Variants in PIP5K1B observed in about 807,000 individuals in gnomAD.
PIP5K1B encodes phosphatidylinositol 4-phosphate 5-kinase type-1 beta.
In PIP5K1B, 42 loss-of-function variants were observed where a neutral mutation model predicts 67.0. The ratio of observed to expected loss-of-function variants is 0.63; its 90% CI spans 0.49 to 0.81. PIP5K1B has a LOEUF of 0.81. Ranked by LOEUF, PIP5K1B falls within the 30% of genes least tolerant of loss-of-function variation. The pLI, the probability that PIP5K1B is intolerant of heterozygous loss-of-function variation, is 0.00. For missense variants in PIP5K1B, 459 were observed against 646.3 expected (o/e 0.71, Z 3.14); for synonymous variants, 214 against 231.4 (o/e 0.92, Z 0.68).
At chr9:68,822,716 AC>A in intron 4 of PIP5K1B, 33 bp downstream of exon 4, 1 of 1,469,028 alleles carries the variant, frequency 6.8e-7, no homozygotes, top group Middle Eastern at 1.7e-4. Context: ...AAAGAGGAAC[AC>A]CGTTTTGCTG....
At chr9:68,706,670 T>A (rs1477968489) in intron 1 of PIP5K1B, among the ~76,000 whole-genome samples, 1 of 152,144 alleles carries the variant, frequency 6.6e-6, no homozygotes, top group East Asian at 1.9e-4. Context: ...TCACTACCTC[T>A]CTGTGACATT....
intron 5 of PIP5K1B, among the ~76,000 whole-genome samples, chr9:68,865,949 A>G (rs1395591165): frequency 2.6e-5 from 4 of 152,220 alleles, no homozygotes; most frequent in African/African-American, 4.8e-5. Flanking sequence ...CGACTCTTAC[A>G]ACTAATAAAA....
At chr9:68,887,914 C>G (rs1824561029) in intron 6 of PIP5K1B, among the ~76,000 whole-genome samples, 1 of 151,286 alleles carries the variant, frequency 6.6e-6, no homozygotes, top group South Asian at 2.1e-4. Context: ...TGCAGTTGTG[C>G]AGGCTGTGCA....
intron 14 of PIP5K1B, among the ~76,000 whole-genome samples, chr9:68,955,431 C>G (rs1828334849): frequency 6.6e-6 from 1 of 152,242 alleles, no homozygotes; most frequent in Admixed American, 6.5e-5. Flanking sequence ...CCCCAGTTTG[C>G]TCTTGTCATT....
intron 1 of PIP5K1B, among the ~76,000 whole-genome samples, chr9:68,730,533 G>A (rs538043915): frequency 9.2e-5 from 14 of 152,250 alleles, no homozygotes; most frequent in Non-Finnish European, 1.6e-4. Context: ...ATCTGTTATC[G>A]CGGCCCATAT....
chr9:68,958,430 C>A (rs1828514297), intron 14 of PIP5K1B, among the ~76,000 whole-genome samples: 1 of 152,142 alleles, frequency 6.6e-6, no homozygotes, highest in Non-Finnish European at 1.5e-5. Context: ...ATACCACCCA[C>A]CAGATCATTT....
intron 14 of PIP5K1B, among the ~76,000 whole-genome samples, chr9:68,966,072 A>T (rs774896744): frequency 3.9e-5 from 6 of 152,140 alleles, no homozygotes; most frequent in Non-Finnish European, 8.8e-5. Context: ...TCAATAGCTA[A>T]AATTGGAACA....
At chr9:68,810,642 G>C (rs966200075) in intron 2 of PIP5K1B, among the ~76,000 whole-genome samples, 2 of 152,068 alleles carry the variant, frequency 1.3e-5, no homozygotes, top group African/African-American at 4.8e-5. Context: ...GAGTTTTATG[G>C]CCCTAGTTGG....
chr9:69,003,935 G>A (rs2133039550), intron 15 of PIP5K1B, among the ~76,000 whole-genome samples: 1 of 152,236 alleles, frequency 6.6e-6, no homozygotes, highest in Middle Eastern at 3.4e-3. Context: ...GATTGCTTTT[G>A]ATTTGCTGTT....
At chr9:69,007,232 G>A (rs1224876469) in intron 15 of PIP5K1B, among the ~76,000 whole-genome samples, 3 of 152,148 alleles carry the variant, frequency 2.0e-5, no homozygotes, top group Non-Finnish European at 4.4e-5. Context: ...TATGTGACAT[G>A]TTCTCTTTCC....
intron 15 of PIP5K1B, among the ~76,000 whole-genome samples, chr9:68,995,595 C>T (rs977379065): frequency 6.6e-6 from 1 of 152,034 alleles, no homozygotes; most frequent in Non-Finnish European, 1.5e-5. Flanking sequence ...CACCTGAGGT[C>T]GGGAATTCGA....
rs141998654 is a variant in PIP5K1B at position 68,998,784 on chromosome 9, G to T, written c.1620+7527G>T. Among the ~76,000 whole-genome samples, 103 of 152,280 alleles carry T rather than the reference G, an allele frequency of 6.8e-4. No individual in the cohort carries two copies. In the East Asian group the frequency reaches 0.018, roughly 27 times the overall value. On this transcript the variant is annotated intron_variant, in intron 15 of 15. Transcript: ENST00000265382. Reference sequence around the variant, plus strand: ...TCATTCGTGCCATTTCCCCTTCTGGGCTCTGAGGGGGAATGGGAAAATGCT... The same window carrying T: ...TCATTCGTGCCATTTCCCCTTCTGGTCTCTGAGGGGGAATGGGAAAATGCT...
At position 69,005,186 on chromosome 9, in the gene PIP5K1B, C is replaced by A. The variant is rs573274152; in HGVS notation, c.1621-3261C>A. On this transcript the variant is annotated intron_variant, in intron 15 of 15. Transcript: ENST00000265382. ...ACATTTTATGACCAAAGCTGGAAAT[C>A]ATTCTTTATTTTTAATACTGAGGAG... Among the ~76,000 whole-genome samples the A allele has an allele frequency of 2.0e-5, 3 of 151,332 alleles. No individual in the cohort carries two copies. The South Asian group carries it at 6.3e-4, about 32-fold the overall frequency.
intron 2 of PIP5K1B, among the ~76,000 whole-genome samples, chr9:68,793,997 A>G (rs1004187984): frequency 5.9e-5 from 9 of 152,254 alleles, no homozygotes; most frequent in Non-Finnish European, 1.2e-4. Flanking sequence ...CGCTTTAGAA[A>G]CCATGTGAAG....
intron 14 of PIP5K1B, among the ~76,000 whole-genome samples, chr9:68,960,297 C>T (rs1244410129): frequency 6.6e-6 from 1 of 152,192 alleles, no homozygotes; most frequent in African/African-American, 2.4e-5. Context: ...TTCTCCCCAT[C>T]TCTGAAAGTT....
intron 4 of PIP5K1B, among the ~76,000 whole-genome samples, chr9:68,858,825 G>A (rs1822912068): frequency 1.3e-5 from 2 of 152,206 alleles, no homozygotes; most frequent in African/African-American, 2.4e-5. Flanking sequence ...ATATCAGATG[G>A]CATATTAAGT....
At chr9:68,961,876 G>A (rs1828767244) in intron 14 of PIP5K1B, among the ~76,000 whole-genome samples, 1 of 152,124 alleles carries the variant, frequency 6.6e-6, no homozygotes, top group African/African-American at 2.4e-5. Context: ...GTTGCATGTT[G>A]GTAGAAGTTT....
intron 2 of PIP5K1B, among the ~76,000 whole-genome samples, chr9:68,795,150 TGAGA>T (rs143940186): frequency 1.5e-4 from 23 of 150,190 alleles, no homozygotes; most frequent in African/African-American, 3.9e-4. Context: ...TGTGTGTGTG[TGAGA>T]GAGAGAGAGA....
intron 1 of PIP5K1B, among the ~76,000 whole-genome samples, chr9:68,709,226 A>C (rs911973937): frequency 2.6e-5 from 4 of 152,034 alleles, no homozygotes; most frequent in African/African-American, 9.7e-5. Flanking sequence ...TAAAAATAAC[A>C]TGTTTTTTTC....
Sources: gnomAD v4.1 joint callset for allele counts (sites outside exome capture counted in the v4.1 genomes callset) on GRCh38, gnomAD v4.1.1 for gene constraint, MANE v1.5 for transcripts, NCBI Gene and HGNC (gene_info 2026-07-23, HGNC 2026-07-21) for gene names.